BBX: variants seen among roughly 807,000 people sequenced by gnomAD.
The protein encoded by BBX is HMG box transcription factor BBX.
A neutral mutation model predicts 100.2 loss-of-function variants in BBX; 30 were observed. That is an observed-to-expected ratio of 0.30 (90% confidence interval 0.22 to 0.41). BBX has a LOEUF of 0.41. BBX is among the 10% of genes least tolerant of loss of function. The pLI is 1.00. For missense variants in BBX, 1,023 were observed against 1,129.8 expected, an observed-to-expected ratio of 0.91 and a Z score of 1.35; for synonymous variants, 376 against 388.1, an observed-to-expected ratio of 0.97 and a Z score of 0.37.
chr3:107,553,944 G>GT (rs1024358061), intron 2 of BBX, among the ~76,000 whole-genome samples: 16 of 150,510 alleles, frequency 1.1e-4, no homozygotes, highest in South Asian at 4.2e-4. Flanking sequence ...TTTGTTATGT[G>GT]TTTTTTTTTC....
chr3:107,716,716 G>T lies in BBX; in HGVS notation c.272G>T (p.Cys91Phe). ...RRPMNAFLLF[C>F]KRHRSLVRQE... is the part of the protein sequence containing the mutation. ...CCAATGAATGCATTTCTTTTATTTT[G>T]CAAACGCCATCGCTCTCTTGTACGT... The change falls in exon 5 of 18, where the codon TGC becomes TTC. Residue 91 changes from cysteine to phenylalanine, a missense_variant. Cys to Phe is a radical substitution (Grantham distance 205). This residue lies in a region of BBX where 229 missense variants were observed against 226.3 expected (regional missense o/e 1.01). Coordinates refer to ENST00000325805, the MANE Select transcript of BBX (RefSeq NM_001142568.3). 6.2e-7 allele frequency: 1 copy of T among 1,613,776 alleles called. No homozygotes were observed. Among genetic ancestry groups the T allele is most frequent in the Non-Finnish European group, 8.5e-7 (1 of 1,179,792 alleles).
intron 2 of BBX, among the ~76,000 whole-genome samples, chr3:107,600,865 A>G (rs114965630): frequency 6.6e-6 from 1 of 152,210 alleles, no homozygotes; most frequent in African/African-American, 2.4e-5. Context: ...GTCCATGTGT[A>G]CCTTGCTTTA....
chr3:107,730,467 A>G (rs1225256439), intron 6 of BBX, among the ~76,000 whole-genome samples: 1 of 146,792 alleles, frequency 6.8e-6, no homozygotes, highest in Non-Finnish European at 1.5e-5. Context: ...GATCCAGGGT[A>G]TGTAGTTTGT....
intron 3 of BBX, among the ~76,000 whole-genome samples, chr3:107,696,850 T>G (rs556564792): frequency 1.3e-5 from 2 of 151,692 alleles, no homozygotes; most frequent in East Asian, 3.9e-4. Context: ...AGACATAGAT[T>G]TGGTCTTTTC....
chr3:107,801,102 A>G lies in BBX; in HGVS notation c.2559A>G (p.Lys853=). The part of the protein sequence containing the change: ...VSPAGGTLDD[K]PKEQLQRSLP... The stretch of plus-strand genomic sequence containing the variant: ...ATTTCTCTTTTGTTACAGATGACAA[A>G]CCAAAGGAACAACTGCAGAGGAGTC... The change falls in exon 17 of 18, where the codon AAA becomes AAG. Residue 853 remains lysine (K), a synonymous_variant. Transcript: ENST00000325805. 6.2e-7 allele frequency: 1 copy of G among 1,613,964 alleles called. No individual in the cohort carries two copies. The highest frequency in any genetic ancestry group is 8.5e-7 in the Non-Finnish European group (1 of 1,179,932).
At chr3:107,695,934 C>T (rs1349700986) in intron 3 of BBX, among the ~76,000 whole-genome samples, 4 of 151,748 alleles carry the variant, frequency 2.6e-5, no homozygotes, top group Admixed American at 6.6e-5. Context: ...TGAATTGATC[C>T]GTTTACCATT....
rs1214462312 is a variant in BBX at position 107,780,714 on chromosome 3, T to C, written c.2203+2195T>C. Among the ~76,000 whole-genome samples the C allele has an allele frequency of 2.6e-5, 4 of 152,130 alleles. No homozygotes were observed. In the East Asian group the frequency reaches 7.7e-4, roughly 29 times the overall value. ...TTATCTATTCAGCAAACTAAAGAAA[T>C]AGTATTTGTGACTGATTGTAATTTG... On this transcript the variant is annotated intron_variant, in intron 13 of 17. Coordinates refer to ENST00000325805, the MANE Select transcript of BBX (RefSeq NM_001142568.3).
At chr3:107,648,117 CAG>C (rs1471681822) in intron 3 of BBX, among the ~76,000 whole-genome samples, 8 of 152,112 alleles carry the variant, frequency 5.3e-5, no homozygotes, top group Admixed American at 5.2e-4. Flanking sequence ...TTTTTAGAGA[CAG>C]AATGCACATA....
chr3:107,723,464 G>A (rs1270132532), intron 5 of BBX, among the ~76,000 whole-genome samples: 1 of 151,682 alleles, frequency 6.6e-6, no homozygotes, highest in Non-Finnish European at 1.5e-5. Flanking sequence ...ACAATGTGCA[G>A]GTTTGTTACA....
At chr3:107,762,437 T>G (rs2065970962) in intron 10 of BBX, among the ~76,000 whole-genome samples, 1 of 152,266 alleles carries the variant, frequency 6.6e-6, no homozygotes, top group African/African-American at 2.4e-5. Context: ...ATAAATGGAA[T>G]TGAATTTTTT....
chr3:107,568,975 G>A (rs2051141126), intron 2 of BBX, among the ~76,000 whole-genome samples: 2 of 152,196 alleles, frequency 1.3e-5, no homozygotes, highest in South Asian at 4.1e-4. Flanking sequence ...GCCATTAACT[G>A]TGTTGTGGCT....
chr3:107,562,190 G>A (rs1001912578), intron 2 of BBX, among the ~76,000 whole-genome samples: 7 of 152,088 alleles, frequency 4.6e-5, no homozygotes, highest in Admixed American at 3.3e-4. Flanking sequence ...ATTTCAATGC[G>A]ATTACATTCA....
chr3:107,690,765 T>C (rs1360927297), intron 3 of BBX, among the ~76,000 whole-genome samples: 5 of 151,918 alleles, frequency 3.3e-5, no homozygotes, highest in African/African-American at 4.8e-5. Flanking sequence ...GGTACTTCAG[T>C]AAACGTGTAT....
chr3:107,801,214 C>G lies in BBX; in HGVS notation c.2671C>G (p.Pro891Ala). The G allele has an allele frequency of 6.2e-7, 1 of 1,614,218 alleles. No individual in the cohort carries two copies. The highest frequency in any genetic ancestry group is 8.5e-7 in the Non-Finnish European group (1 of 1,180,032). ...GETRSSTPEMPAVSAFFSLAA... is the reference protein window; with the variant it reads ...GETRSSTPEMAAVSAFFSLAA... ...GACGCGGAGCAGTACTCCAGAAATG[C>G]CTGCCGTGTCTGCGTTCTTTAGCCT... The change falls in exon 17 of 18, where the codon CCT becomes GCT. Residue 891 changes from proline (P) to alanine (A), a missense_variant. Transcript: ENST00000325805.
chr3:107,564,609 C>G (rs1046315404), intron 2 of BBX, among the ~76,000 whole-genome samples: 2 of 152,146 alleles, frequency 1.3e-5, no homozygotes, highest in Non-Finnish European at 2.9e-5. Context: ...GACAGTTGTT[C>G]CAGCCCCGTC....
intron 2 of BBX, among the ~76,000 whole-genome samples, chr3:107,555,626 A>G (rs1471007259): frequency 1.3e-5 from 2 of 152,220 alleles, no homozygotes; most frequent in Non-Finnish European, 2.9e-5. Flanking sequence ...TCGGTTAGAA[A>G]GATGTGAGTT....
At chr3:107,589,600 G>A (rs572649663) in intron 2 of BBX, among the ~76,000 whole-genome samples, 1 of 152,272 alleles carries the variant, frequency 6.6e-6, no homozygotes, top group South Asian at 2.1e-4. Flanking sequence ...TTCCACCAAA[G>A]GAAGCATGAA....
chr3:107,721,721 T>C (rs958131364), intron 5 of BBX, among the ~76,000 whole-genome samples: 2 of 152,092 alleles, frequency 1.3e-5, no homozygotes, highest in Admixed American at 6.6e-5. Flanking sequence ...TAAATGTTTA[T>C]AAACTCATTT....
intron 10 of BBX, among the ~76,000 whole-genome samples, chr3:107,763,844 C>G (rs905733311): frequency 1.3e-5 from 2 of 152,120 alleles, no homozygotes; most frequent in African/African-American, 4.8e-5. Context: ...CACTGAGAAA[C>G]CTCAGTGCGA....
Sources: gnomAD v4.1 joint callset for allele counts (sites outside exome capture counted in the v4.1 genomes callset) on GRCh38, gnomAD v4.1.1 for gene constraint, gnomAD v4.1.1 regional missense constraint, MANE v1.5 for transcripts, NCBI Gene and HGNC (gene_info 2026-07-23, HGNC 2026-07-21) for gene names.